EFNA2: variants seen among roughly 807,000 people sequenced by gnomAD.
EFNA2 encodes the protein ephrin-A2.
A neutral mutation model predicts 19.7 loss-of-function variants in EFNA2; 18 were observed. The observed-to-expected ratio is 0.91, with a 90% CI of 0.63 to 1.35. The LOEUF is 1.35. Among genes scored for constraint, EFNA2 ranks in the 40% most tolerant of loss-of-function variants. The probability of loss-of-function intolerance (pLI) is 0.00; values close to 1 mark genes in which losing one functional copy is unlikely to be tolerated. For missense variants in EFNA2, 303 were observed against 296.0 expected (o/e 1.02, Z -0.17); for synonymous variants, 187 against 137.8 (o/e 1.36, Z -2.50).
chr19:1,290,838 C>A (rs1600056251), intron 1 of EFNA2, among the ~76,000 whole-genome samples: 1 of 152,176 alleles, frequency 6.6e-6, no homozygotes, highest in Non-Finnish European at 1.5e-5. Context: ...GAGGAGCAGA[C>A]GAGCCGGCGG....
In EFNA2 at chr19:1,296,356, G is replaced by A. The variant is rs1388629567; in HGVS notation, c.454+498G>A. Reference sequence around the variant, plus strand: ...GATGAGGGAAACTGAGGCATCCGGAGCCCAGCAGGGGAGGGGAGCTTGGTG... The same window carrying A: ...GATGAGGGAAACTGAGGCATCCGGAACCCAGCAGGGGAGGGGAGCTTGGTG... On this transcript the variant is annotated intron_variant, in intron 2 of 3. Transcript: ENST00000215368. The surrounding 1 kb of genome is among the most constrained non-coding windows in gnomAD (Gnocchi z 4.4). Among the ~76,000 whole-genome samples the A allele has an allele frequency of 6.6e-6, 1 of 152,200 alleles. No homozygotes were observed. Among genetic ancestry groups the A allele is most frequent in the African/African-American group, 2.4e-5 (1 of 41,462 alleles).
chr19:1,284,973 T>C (rs1269112846), upstream of EFNA2, among the ~76,000 whole-genome samples: 1 of 152,170 alleles, frequency 6.6e-6, no homozygotes, highest in Non-Finnish European at 1.5e-5. This position sits in a 1 kb window ranked among gnomAD's most constrained non-coding sequence, Gnocchi z 5.3. Flanking sequence ...GCAGGCCAGG[T>C]GCAGTGGCTC....
chr19:1,284,880 CCAGCGTTTGATGA>C (rs2081456207), upstream of EFNA2, among the ~76,000 whole-genome samples: 1 of 152,232 alleles, frequency 6.6e-6, no homozygotes, highest in Admixed American at 6.5e-5. The surrounding 1 kb of genome is among the most constrained non-coding windows in gnomAD (Gnocchi z 5.3). Context: ...CAAAGTCCAG[CCAGCGTTTGATGA>C]CAGCCTACCC....
Position 1,295,556 on chromosome 19 carries a change from G to T in EFNA2, c.152G>T (p.Gly51Val). 2 of 1,594,432 alleles carry T rather than the reference G, an allele frequency of 1.3e-6. No individual in the cohort carries two copies. The highest frequency in any genetic ancestry group is 1.7e-6 in the Non-Finnish European group (2 of 1,170,176). Residue 51 changes from glycine (G) to valine (V), a missense_variant, in exon 2 of 4, where the codon GGC (glycine) becomes GTC (valine). Coordinates refer to ENST00000215368, the MANE Select transcript of EFNA2 (RefSeq NM_001405.4). The surrounding 1 kb of genome is among the most constrained non-coding windows in gnomAD (Gnocchi z 5.8). ...WNRSNPRFHA[G>V]AGDDGGGYTV... is the part of the protein sequence containing the mutation. ...CCTTGTCCCCGCAGGTTCCACGCAGGCGCGGGGGACGACGGCGGGGGCTAC... is the reference window on the plus strand; with the variant it reads ...CCTTGTCCCCGCAGGTTCCACGCAGTCGCGGGGGACGACGGCGGGGGCTAC...
chr19:1,287,817 A>G lies in EFNA2; in HGVS notation c.140+1509A>G, dbSNP rs1243641974. Among the ~76,000 whole-genome samples the G allele has an allele frequency of 6.6e-6, 1 of 152,242 alleles. No individual in the cohort carries two copies. Among genetic ancestry groups the G allele is most frequent in the Admixed American group, 6.5e-5 (1 of 15,294 alleles). Reference sequence around the variant, plus strand: ...CCCAAGTTTTTGGTTTCAGCTGCGGAATCTCCCGTCCCCAGCGTGGCCTGT... The same window carrying G: ...CCCAAGTTTTTGGTTTCAGCTGCGGGATCTCCCGTCCCCAGCGTGGCCTGT... On this transcript the variant is annotated intron_variant, in intron 1 of 3. Coordinates refer to ENST00000215368, the MANE Select transcript of EFNA2 (RefSeq NM_001405.4). The surrounding 1 kb of genome is among the most constrained non-coding windows in gnomAD (Gnocchi z 6.2).
rs984245424 is a variant in EFNA2 at position 1,287,072 on chromosome 19, C to T, written c.140+764C>T. 3.9e-5 allele frequency among the ~76,000 whole-genome samples: 6 copies of T among 152,230 alleles called. No individual in the cohort carries two copies. The highest frequency in any genetic ancestry group is 4.4e-5 in the Non-Finnish European group (3 of 68,030). ...TGCCTGCCACGCCCGGCCGAGATGC[C>T]GCACCCGCCTGCTGCAGGCCCCCTT... On this transcript the variant is annotated intron_variant, in intron 1 of 3. Transcript: ENST00000215368. This position sits in a 1 kb window ranked among gnomAD's most constrained non-coding sequence, Gnocchi z 6.2.
upstream of EFNA2, among the ~76,000 whole-genome samples, chr19:1,284,647 T>C (rs2081455196): frequency 6.6e-6 from 1 of 152,174 alleles, no homozygotes. The surrounding 1 kb of genome is among the most constrained non-coding windows in gnomAD (Gnocchi z 5.3). Flanking sequence ...GTCTCAGAGC[T>C]GTGGGACGGT....
In EFNA2 at chr19:1,295,741, G is replaced by T. The variant is rs1188224681; in HGVS notation, c.337G>T (p.Glu113Ter). 1 of 1,607,408 alleles carries T rather than the reference G, an allele frequency of 6.2e-7. No homozygotes were observed. ...CCGCCAGCGCGGCTTCAAGCGCTGG[G>T]AGTGCAACCGGCCCGCGGCGCCCGG... ...DHRQRGFKRW[E>*]CNRPAAPGGP... The change falls in exon 2 of 4, where the codon GAG (glutamate) becomes TAG (stop). Residue 113 changes from glutamate to a stop codon, truncating the protein, a stop_gained. Coordinates refer to ENST00000215368, the MANE Select transcript of EFNA2 (RefSeq NM_001405.4). LOFTEE classifies it high-confidence loss of function. This position sits in a 1 kb window ranked among gnomAD's most constrained non-coding sequence, Gnocchi z 5.8.
At position 1,296,336 on chromosome 19, in the gene EFNA2, G is replaced by C. The variant is rs1202921787; in HGVS notation, c.454+478G>C. ...TGCCCGAGCCCCAGCACACTGATGA[G>C]GGAAACTGAGGCATCCGGAGCCCAG... On this transcript the variant is annotated intron_variant, in intron 2 of 3. Transcript: ENST00000215368. The surrounding 1 kb of genome is among the most constrained non-coding windows in gnomAD (Gnocchi z 4.4). Among the ~76,000 whole-genome samples, 1 of 152,198 alleles carries C rather than the reference G, an allele frequency of 6.6e-6. No homozygotes were observed. The highest frequency in any genetic ancestry group is 1.5e-5 in the Non-Finnish European group (1 of 68,018).
intron 3 of EFNA2, 48 bp downstream of exon 3, chr19:1,298,664 C>T: frequency 1.3e-6 from 2 of 1,599,790 alleles, no homozygotes; most frequent in Non-Finnish European, 8.5e-7. Flanking sequence ...ACCCCTGTGT[C>T]CTAAACCCAC....
In EFNA2 at chr19:1,287,908, G is replaced by A. The variant is rs540667227; in HGVS notation, c.140+1600G>A. Among the ~76,000 whole-genome samples the A allele has an allele frequency of 6.6e-6, 1 of 152,326 alleles. No homozygotes were observed. The highest frequency in any genetic ancestry group is 2.1e-4 in the South Asian group (1 of 4,832). On this transcript the variant is annotated intron_variant, in intron 1 of 3. Transcript: ENST00000215368. This position sits in a 1 kb window ranked among gnomAD's most constrained non-coding sequence, Gnocchi z 6.2. ...ACCGGGGGAGGAAGGTGGTCACCAGGGCCGTCCTGCTGCCCCACCTGCCAC... is the reference window on the plus strand; with the variant it reads ...ACCGGGGGAGGAAGGTGGTCACCAGAGCCGTCCTGCTGCCCCACCTGCCAC...
Position 1,295,193 on chromosome 19 carries a change from A to G in EFNA2, c.141-352A>G, listed in dbSNP as rs1049679023. Among the ~76,000 whole-genome samples, 153 of 152,182 alleles carry G rather than the reference A, an allele frequency of 1.0e-3. No individual in the cohort carries two copies. The highest frequency in any genetic ancestry group is 3.5e-3 in the African/African-American group (146 of 41,512). ...TGACCGCTATCACCATTCAGGGCCCAGGCGGAGTCCACCTTGTGAACTGAC... is the reference window on the plus strand; with the variant it reads ...TGACCGCTATCACCATTCAGGGCCCGGGCGGAGTCCACCTTGTGAACTGAC... On this transcript the variant is annotated intron_variant, in intron 1 of 3. Transcript: ENST00000215368. The surrounding 1 kb of genome is among the most constrained non-coding windows in gnomAD (Gnocchi z 5.8).
intron 1 of EFNA2, among the ~76,000 whole-genome samples, chr19:1,289,352 C>T (rs551858137): frequency 6.6e-6 from 1 of 152,148 alleles, no homozygotes; most frequent in Non-Finnish European, 1.5e-5. Flanking sequence ...GGTGTGTGTG[C>T]GTGTCTGCGT....
rs982737724 is a variant in EFNA2 at position 1,294,404 on chromosome 19, G to A, written c.141-1141G>A. 6.6e-6 allele frequency among the ~76,000 whole-genome samples: 1 copy of A among 152,146 alleles called. No individual in the cohort carries two copies. Among genetic ancestry groups the A allele is most frequent in the African/African-American group, 2.4e-5 (1 of 41,408 alleles). On this transcript the variant is annotated intron_variant, in intron 1 of 3. Coordinates refer to ENST00000215368, the MANE Select transcript of EFNA2 (RefSeq NM_001405.4). The surrounding 1 kb of genome is among the most constrained non-coding windows in gnomAD (Gnocchi z 5.8). ...GGGTCAGGGGGCTCCCTGGAGGAAG[G>A]GGCCTGTGGGTTGCGTCTGGGGGAC...
At chr19:1,288,004 C>T (rs530677444) in intron 1 of EFNA2, among the ~76,000 whole-genome samples, 1 of 152,386 alleles carries the variant, frequency 6.6e-6, no homozygotes, top group African/African-American at 2.4e-5. Context: ...TGGCTTGGCC[C>T]AGCCACCTCC....
intron 1 of EFNA2, among the ~76,000 whole-genome samples, chr19:1,288,515 A>G (rs1484381897): frequency 6.6e-6 from 1 of 151,960 alleles, no homozygotes; most frequent in Non-Finnish European, 1.5e-5. Flanking sequence ...AGGGGCATAC[A>G]GAAAGGCACT....
At chr19:1,292,355 G>A (rs1009217826) in intron 1 of EFNA2, among the ~76,000 whole-genome samples, 5 of 152,226 alleles carry the variant, frequency 3.3e-5, no homozygotes, top group South Asian at 2.1e-4. Flanking sequence ...ACACACCTGT[G>A]GGCTGCTCCC....
In EFNA2 at chr19:1,286,517, C is replaced by A. The variant is rs1464553896; in HGVS notation, c.140+209C>A. ...CTTTTCGCGCCTGCCTTCCCCGGGG[C>A]GCCCCATTGCCCTACGGACTGTGGG... is the stretch of plus-strand genomic sequence containing the variant. On this transcript the variant is annotated intron_variant, in intron 1 of 3. Coordinates refer to ENST00000215368, the MANE Select transcript of EFNA2 (RefSeq NM_001405.4). This position sits in a 1 kb window ranked among gnomAD's most constrained non-coding sequence, Gnocchi z 5.6. 1.3e-5 allele frequency among the ~76,000 whole-genome samples: 2 copies of A among 151,952 alleles called. No homozygotes were observed. Among genetic ancestry groups the A allele is most frequent in the African/African-American group, 4.8e-5 (2 of 41,408 alleles).
rs2081522659 is a variant in EFNA2 at position 1,297,826 on chromosome 19, C to T, written c.455-725C>T. Among the ~76,000 whole-genome samples, 1 of 152,106 alleles carries T rather than the reference C, an allele frequency of 6.6e-6. No homozygotes were observed. The highest frequency in any genetic ancestry group is 2.4e-5 in the African/African-American group (1 of 41,408). ...GTGGCTCACGCCTGTAATCCCAGCA[C>T]TTTGGGAGGCCGAGGCGGGTGGATC... On this transcript the variant is annotated intron_variant, in intron 2 of 3. Coordinates refer to ENST00000215368, the MANE Select transcript of EFNA2 (RefSeq NM_001405.4). The surrounding 1 kb of genome is among the most constrained non-coding windows in gnomAD (Gnocchi z 5.0).
Sources: gnomAD v4.1 joint callset for allele counts (sites outside exome capture counted in the v4.1 genomes callset) on GRCh38, gnomAD v4.1.1 for gene constraint, Gnocchi (gnomAD v3.1) non-coding constraint, MANE v1.5 for transcripts, NCBI Gene and HGNC (gene_info 2026-07-23, HGNC 2026-07-21) for gene names.